Variants in MAP1B observed in about 807,000 individuals in gnomAD.
MAP1B encodes microtubule associated protein 1B.
MAP1B carries 12 observed loss-of-function variants against 176.1 expected under a neutral mutation model. That is an observed-to-expected ratio of 0.07 (90% CI 0.04 to 0.11). MAP1B has a LOEUF of 0.11. Among genes scored for constraint, MAP1B ranks in the 10% least tolerant of loss-of-function variants. The pLI, the probability that MAP1B is intolerant of heterozygous loss-of-function variation, is 1.00. For missense variants in MAP1B, 2,523 were observed against 2,990.5 expected (o/e 0.84, Z 3.65); for synonymous variants, 1,044 against 1,135.0 (o/e 0.92, Z 1.61).
chr5:72,196,027 C>T lies in MAP1B; in HGVS notation c.2672C>T (p.Ser891Phe). ...EREVTKGPAE[S>F]PDEGITTTEG... Reference sequence around the variant, plus strand: ...GAAGTCACCAAAGGTCCTGCCGAGTCCCCTGATGAGGGAATCACTACCACT... The same window carrying T: ...GAAGTCACCAAAGGTCCTGCCGAGTTCCCTGATGAGGGAATCACTACCACT... Residue 891 changes from serine to phenylalanine, a missense_variant, in exon 5 of 7, where the codon TCC (serine) becomes TTC (phenylalanine). Physicochemically the swap from Ser to Phe is radical, Grantham distance 155. This residue lies in a region of MAP1B where 1,925 missense variants were observed against 2,126.0 expected (regional missense o/e 0.91). Transcript: ENST00000296755. This position sits in a 1 kb window ranked among gnomAD's most constrained non-coding sequence, Gnocchi z 5.3. The T allele has an allele frequency of 6.2e-7, 1 of 1,614,174 alleles. No individual in the cohort carries two copies. The highest frequency in any genetic ancestry group is 8.5e-7 in the Non-Finnish European group (1 of 1,180,038).
chr5:72,199,949 G>A lies in MAP1B; in HGVS notation c.6594G>A (p.Met2198Ile), dbSNP rs557328712. Residue 2198 changes from methionine (M) to isoleucine (I), a missense_variant, in exon 5 of 7, where the codon ATG (methionine) becomes ATA (isoleucine). Met to Ile is a conservative substitution (Grantham distance 10). Coordinates refer to ENST00000296755, the MANE Select transcript of MAP1B (RefSeq NM_005909.5). The surrounding 1 kb of genome is among the most constrained non-coding windows in gnomAD (Gnocchi z 4.2). ...ACAAAACTGTCACGTACAAACACAT[G>A]GACCCACCTCCAGCTCCCGTGCAAG... ...PTDKTVTYKH[M>I]DPPPAPVQDR... The A allele has an allele frequency of 2.7e-5, 43 of 1,614,020 alleles. No individual in the cohort carries two copies. The highest frequency in any genetic ancestry group is 3.6e-5 in the Non-Finnish European group (42 of 1,180,052).
chr5:72,144,025 C>G (rs1404881730), intron 2 of MAP1B, among the ~76,000 whole-genome samples: 1 of 152,140 alleles, frequency 6.6e-6, no homozygotes, highest in Non-Finnish European at 1.5e-5. Flanking sequence ...TCTTCTTATT[C>G]AGTCATTGAA....
At chr5:72,181,922 C>T (rs1746776399) in intron 2 of MAP1B, among the ~76,000 whole-genome samples, 1 of 151,172 alleles carries the variant, frequency 6.6e-6, no homozygotes, top group Admixed American at 6.6e-5. Context: ...GACGGGGTTT[C>T]ATTATGTTGG....
chr5:72,117,369 CT>C (rs1745453511), intron 2 of MAP1B, among the ~76,000 whole-genome samples: 1 of 152,104 alleles, frequency 6.6e-6, no homozygotes, highest in South Asian at 2.1e-4. Flanking sequence ...TATTTTTTCT[CT>C]GTAGGTTGTT....
intron 2 of MAP1B, among the ~76,000 whole-genome samples, chr5:72,142,364 A>C (rs972002560): frequency 6.6e-6 from 1 of 152,142 alleles, no homozygotes; most frequent in Non-Finnish European, 1.5e-5. Flanking sequence ...CATCCACCTC[A>C]TTTCATCAGG....
intron 5 of MAP1B, among the ~76,000 whole-genome samples, chr5:72,202,074 T>C (rs1379029556): frequency 6.6e-6 from 1 of 152,232 alleles, no homozygotes; most frequent in Non-Finnish European, 1.5e-5. Flanking sequence ...GGCAAAGTAA[T>C]AAGTGAAAAT....
intron 1 of MAP1B, among the ~76,000 whole-genome samples, chr5:72,113,823 A>C (rs1216258684): frequency 1.3e-5 from 2 of 152,242 alleles, no homozygotes; most frequent in African/African-American, 4.8e-5. Flanking sequence ...TATAGTGTAT[A>C]CATTGAAGTA....
In MAP1B at chr5:72,197,237, A is replaced by G; in HGVS notation, c.3882A>G (p.Val1294=). 6.2e-7 allele frequency: 1 copy of G among 1,614,240 alleles called. No individual in the cohort carries two copies. Among genetic ancestry groups the G allele is most frequent in the Non-Finnish European group, 8.5e-7 (1 of 1,180,048 alleles). The change falls in exon 5 of 7, where the codon GTA becomes GTG. Residue 1294 remains valine (V), a synonymous_variant. Transcript: ENST00000296755. The part of the protein sequence containing the change: ...NEIKVSAEAE[V]APVSPEVTQE... The stretch of plus-strand genomic sequence containing the variant: ...TTAAAGTCTCTGCAGAGGCAGAAGT[A>G]GCCCCGGTGTCTCCTGAGGTGACCC...
In MAP1B at chr5:72,186,339, A is replaced by G. The variant is rs1198167561; in HGVS notation, c.370-275A>G. Among the ~76,000 whole-genome samples, 30 of 152,146 alleles carry G rather than the reference A, an allele frequency of 2.0e-4. No individual in the cohort carries two copies. The highest frequency in any genetic ancestry group is 7.3e-5 in the Non-Finnish European group (5 of 68,046). ...AGGAGGAAACTAGGGGGAGAAAGTC[A>G]ACTATCGCTACTGTCGTGATTGTAG... On this transcript the variant is annotated intron_variant, in intron 3 of 6. Coordinates refer to ENST00000296755, the MANE Select transcript of MAP1B (RefSeq NM_005909.5). This position sits in a 1 kb window ranked among gnomAD's most constrained non-coding sequence, Gnocchi z 4.3.
chr5:72,128,680 G>A (rs925792457), intron 2 of MAP1B, among the ~76,000 whole-genome samples: 27 of 152,098 alleles, frequency 1.8e-4, no homozygotes, highest in African/African-American at 5.8e-4. Context: ...CTCACTCTGC[G>A]CCCAGGCTGG....
chr5:72,125,844 C>T (rs1400662786), intron 2 of MAP1B, among the ~76,000 whole-genome samples: 1 of 151,172 alleles, frequency 6.6e-6, no homozygotes, highest in South Asian at 2.1e-4. Context: ...AGATTAAGCC[C>T]ATTAATTCAA....
chr5:72,107,514 G>A lies in MAP1B; in HGVS notation c.-18G>A, dbSNP rs1028821067. On this transcript the variant is annotated 5_prime_UTR_variant, in exon 1 of 7. Transcript: ENST00000296755. ...CGGCCGGAGCGAGACACTTCGCCGA[G>A]GCACAGCAGCCGGCAGGATGGCGAC... 5 of 1,546,484 alleles carry A rather than the reference G, an allele frequency of 3.2e-6. No homozygotes were observed. Among genetic ancestry groups the A allele is most frequent in the African/African-American group, 1.4e-5 (1 of 73,430 alleles).
At position 72,205,244 on chromosome 5, in the gene MAP1B, C is replaced by T; in HGVS notation, c.*5C>T. The T allele has an allele frequency of 6.2e-7, 1 of 1,606,860 alleles. No individual in the cohort carries two copies. Among genetic ancestry groups the T allele is most frequent in the Non-Finnish European group, 8.5e-7 (1 of 1,177,740 alleles). Reference sequence around the variant, plus strand: ...GCATGCAAGATTGAACTGTAAAAACCAAGGCCAGCCACACCACAGGATCTG... The same window carrying T: ...GCATGCAAGATTGAACTGTAAAAACTAAGGCCAGCCACACCACAGGATCTG... On this transcript the variant is annotated 3_prime_UTR_variant, in exon 7 of 7. Transcript: ENST00000296755.
At chr5:72,112,126 A>G (rs1438454168) in intron 1 of MAP1B, among the ~76,000 whole-genome samples, 11 of 152,160 alleles carry the variant, frequency 7.2e-5, no homozygotes, top group Non-Finnish European at 4.4e-5. Flanking sequence ...ATATAATCTT[A>G]TGATTCTAGG....
In MAP1B at chr5:72,143,109, T is replaced by C. The variant is rs115488650; in HGVS notation, c.286+27310T>C. On this transcript the variant is annotated intron_variant, in intron 2 of 6. Transcript: ENST00000296755. ...TGTGCGTGAGTGTGTGCAGTTGCTATAGAAAGACAAATACCAACTAAGTGT... is the reference window on the plus strand; with the variant it reads ...TGTGCGTGAGTGTGTGCAGTTGCTACAGAAAGACAAATACCAACTAAGTGT... Among the ~76,000 whole-genome samples the C allele has an allele frequency of 8.4e-3, 1,283 of 152,214 alleles. 20 individuals carry two copies. The highest frequency in any genetic ancestry group is 0.029 in the African/African-American group (1,219 of 41,542).
intron 2 of MAP1B, among the ~76,000 whole-genome samples, chr5:72,152,659 A>G (rs1746162282): frequency 6.6e-6 from 1 of 152,120 alleles, no homozygotes; most frequent in South Asian, 2.1e-4. Flanking sequence ...GTTGGCCAGG[A>G]TAGTCTTGAA....
Position 72,192,443 on chromosome 5 carries a change from C to G in MAP1B, c.511-1423C>G, listed in dbSNP as rs115505150. 2.6e-3 allele frequency among the ~76,000 whole-genome samples: 396 copies of G among 152,262 alleles called. 3 individuals carry two copies. The highest frequency in any genetic ancestry group is 9.1e-3 in the African/African-American group (378 of 41,548). On this transcript the variant is annotated intron_variant, in intron 4 of 6. Coordinates refer to ENST00000296755, the MANE Select transcript of MAP1B (RefSeq NM_005909.5). ...AAAGTTTTATTATTTTGTTATTTTG[C>G]GGCCCTTTACATAAAATGTTATGCT...
At chr5:72,108,946 T>C (rs972556416) in intron 1 of MAP1B, among the ~76,000 whole-genome samples, 2 of 152,174 alleles carry the variant, frequency 1.3e-5, no homozygotes. Context: ...TGCTGAAGCG[T>C]TTCTCCGGGA....
At position 72,138,388 on chromosome 5, in the gene MAP1B, A is replaced by G. The variant is rs769962168; in HGVS notation, c.286+22589A>G. Among the ~76,000 whole-genome samples the G allele has an allele frequency of 9.8e-4, 150 of 152,306 alleles. 1 individual carries two copies. Among genetic ancestry groups the G allele is most frequent in the Non-Finnish European group, 3.1e-4 (21 of 68,006 alleles). On this transcript the variant is annotated intron_variant, in intron 2 of 6. Transcript: ENST00000296755. ...AAATGATACCACTGATCACTGGCAA[A>G]GAGGACAAGATAGGCACCTTCATAT...
Sources: allele counts gnomAD v4.1 joint callset (sites outside exome capture counted in the v4.1 genomes callset), GRCh38; gene constraint gnomAD v4.1.1; regional missense constraint gnomAD v4.1.1; non-coding constraint Gnocchi (gnomAD v3.1); transcripts MANE v1.5; gene names NCBI Gene and HGNC (gene_info 2026-07-23, HGNC 2026-07-21).